OCIAD2: variants seen among roughly 807,000 people sequenced by gnomAD.
OCIAD2 encodes the protein OCIA domain containing 2.
A neutral mutation model predicts 22.9 loss-of-function variants in OCIAD2; 29 were observed. The ratio of observed to expected loss-of-function variants is 1.27; its 90% CI spans 0.94 to 1.73. OCIAD2 has a LOEUF of 1.73. Ranked by LOEUF, OCIAD2 falls within the 40% of genes most tolerant of loss-of-function variation. The pLI, the probability that OCIAD2 is intolerant of heterozygous loss-of-function variation, is 0.00. For missense variants in OCIAD2, 189 were observed against 180.3 expected, an observed-to-expected ratio of 1.05 and a Z score of -0.28; for synonymous variants, 67 against 60.2, an observed-to-expected ratio of 1.11 and a Z score of -0.52.
Position 48,899,919 on chromosome 4 carries a change from A to G in OCIAD2, c.73T>C (p.Leu25=). ...HFPPPSKQSL[L]FCPKSKLHIH... is the part of the protein sequence containing the mutation. ...TGCAGTTTTGATTTTGGACAAAACA[A>G]CAGGCTCTGTAAGGAAAGTTATATG... The change falls in exon 3 of 7, where the codon TTG becomes CTG. Residue 25 remains leucine, a synonymous_variant. Coordinates refer to ENST00000508632, the MANE Select transcript of OCIAD2 (RefSeq NM_001014446.3). 1 of 1,612,506 alleles carries G rather than the reference A, an allele frequency of 6.2e-7. No homozygotes were observed. The highest frequency in any genetic ancestry group is 2.2e-5 in the East Asian group (1 of 44,864).
intron 6 of OCIAD2, among the ~76,000 whole-genome samples, chr4:48,891,075 T>A (rs2109669873): frequency 6.6e-6 from 1 of 152,030 alleles, no homozygotes; most frequent in South Asian, 2.1e-4. Flanking sequence ...AAAATGAAAA[T>A]TTCCCCTCTC....
intron 4 of OCIAD2, chr4:48,897,103 C>G (rs1781318583): frequency 6.6e-6 from 1 of 152,450 alleles, no homozygotes; most frequent in Non-Finnish European, 1.5e-5. Context: ...TTAGCTCCCC[C>G]CACCTCCTCC....
At chr4:48,900,180 G>A (rs1261993158) in intron 2 of OCIAD2, among the ~76,000 whole-genome samples, 3 of 152,190 alleles carry the variant, frequency 2.0e-5, no homozygotes, top group Non-Finnish European at 4.4e-5. Flanking sequence ...TTTGCAGGCA[G>A]CAGATTTGCG....
intron 4 of OCIAD2, among the ~76,000 whole-genome samples, chr4:48,896,782 AT>A (rs1781312236): frequency 6.8e-6 from 1 of 146,118 alleles, no homozygotes; most frequent in African/African-American, 2.5e-5. Flanking sequence ...AAAAAAAAAA[AT>A]AGCAAAATCC....
At chr4:48,903,489 GATAAATAAAA>G (rs959590255) in intron 2 of OCIAD2, among the ~76,000 whole-genome samples, 25 of 152,022 alleles carry the variant, frequency 1.6e-4, no homozygotes, top group African/African-American at 5.8e-4. Context: ...TAAATGAAAG[GATAAATAAAA>G]ATAAATAAGC....
chr4:48,887,357 C>A (rs1188194690), intron 6 of OCIAD2, among the ~76,000 whole-genome samples: 1 of 152,196 alleles, frequency 6.6e-6, no homozygotes, highest in Non-Finnish European at 1.5e-5. Context: ...TCCCATTTAT[C>A]AACTTTGGCT....
chr4:48,894,870 T>G (rs1267401706), intron 4 of OCIAD2, among the ~76,000 whole-genome samples: 3 of 152,116 alleles, frequency 2.0e-5, no homozygotes, highest in Admixed American at 6.5e-5. Context: ...ACATCCGAAT[T>G]CCTGGAAAAG....
chr4:48,894,323 T>A (rs554181970), intron 4 of OCIAD2, among the ~76,000 whole-genome samples: 4 of 152,042 alleles, frequency 2.6e-5, no homozygotes, highest in African/African-American at 9.6e-5. Flanking sequence ...AAACCCCGTC[T>A]CCACTAAAAA....
rs529465870 is a variant in OCIAD2, at chr4:48,893,107, G to C, written c.266-218C>G. 3.7e-5 allele frequency: 13 copies of C among 348,622 alleles called. No homozygotes were observed. In the South Asian group the frequency reaches 7.5e-4, roughly 20 times the overall value. 21.6% of individuals were successfully genotyped at this position (348,622 alleles called of 1,614,324 possible). On this transcript the variant is annotated intron_variant, in intron 5 of 6. Coordinates refer to ENST00000508632, the MANE Select transcript of OCIAD2 (RefSeq NM_001014446.3). Reference sequence around the variant, plus strand: ...CACTGGTGGTGGAAGGGCCAGGACAGAGCAAGCCACAGTGCTGTCCTGGAG... The same window carrying C: ...CACTGGTGGTGGAAGGGCCAGGACACAGCAAGCCACAGTGCTGTCCTGGAG...
intron 4 of OCIAD2, chr4:48,897,319 G>C (rs919741024): frequency 6.2e-6 from 1 of 161,332 alleles, no homozygotes; most frequent in African/African-American, 2.4e-5. Context: ...TCCTTAAATG[G>C]GCTGCATTCC....
chr4:48,892,377 G>T (rs746327120), intron 6 of OCIAD2, among the ~76,000 whole-genome samples: 1 of 152,056 alleles, frequency 6.6e-6, no homozygotes, highest in Non-Finnish European at 1.5e-5. Context: ...CTCCAAAGTC[G>T]TACTGCCTAT....
intron 5 of OCIAD2, chr4:48,893,348 G>C (rs555722309): frequency 1.3e-5 from 2 of 152,502 alleles, no homozygotes; most frequent in African/African-American, 4.8e-5. Flanking sequence ...AAGAGATCTC[G>C]AATCTGTTCC....
chr4:48,900,101 T>A (rs1386190962), intron 2 of OCIAD2, among the ~76,000 whole-genome samples, 176 bp from the exon 3 acceptor site: 2 of 152,216 alleles, frequency 1.3e-5, no homozygotes, highest in African/African-American at 4.8e-5. Flanking sequence ...GGAACACTGA[T>A]GGACTTAGGC....
At chr4:48,885,595 T>G in intron 6 of OCIAD2, 30 bp from the exon 7 acceptor site, 2 of 1,234,654 alleles carry the variant, frequency 1.6e-6, no homozygotes, top group Non-Finnish European at 2.4e-6. Flanking sequence ...AGACAGCGGT[T>G]TGTACTTTGA....
chr4:48,897,929 T>A (rs1406508917), intron 3 of OCIAD2, 72 bp from the exon 4 acceptor site: 2 of 1,009,746 alleles, frequency 2.0e-6, no homozygotes, highest in Non-Finnish European at 3.1e-6. Flanking sequence ...TAGGGAAAAT[T>A]ATTCTGAGCT....
At chr4:48,893,945 G>A in intron 5 of OCIAD2, 61 bp downstream of exon 5, 1 of 1,091,070 alleles carries the variant, frequency 9.2e-7, no homozygotes, top group Non-Finnish European at 1.3e-6. Context: ...GCCTCCCAAA[G>A]TGCTGGGATT....
intron 1 of OCIAD2, among the ~76,000 whole-genome samples, chr4:48,906,323 C>T (rs1781524888): frequency 6.6e-6 from 1 of 152,158 alleles, no homozygotes; most frequent in Non-Finnish European, 1.5e-5. Context: ...GAGGGCGCGC[C>T]CCAGCATGGG....
intron 3 of OCIAD2, 52 bp downstream of exon 3, chr4:48,899,777 A>G (rs1394686209): frequency 8.0e-7 from 1 of 1,242,344 alleles, no homozygotes; most frequent in South Asian, 1.2e-5. Flanking sequence ...CACAATTCTA[A>G]TATGATATTT....
chr4:48,900,417 T>C (rs1781390386), intron 2 of OCIAD2, among the ~76,000 whole-genome samples: 1 of 152,202 alleles, frequency 6.6e-6, no homozygotes, highest in Non-Finnish European at 1.5e-5. Flanking sequence ...TATGCATTTT[T>C]AGACTGTGGA....
Sources: allele counts gnomAD v4.1 joint callset (sites outside exome capture counted in the v4.1 genomes callset), GRCh38; gene constraint gnomAD v4.1.1; transcripts MANE v1.5; gene names NCBI Gene and HGNC (gene_info 2026-07-23, HGNC 2026-07-21).